The following ST6GAL1 variants were observed in gnomAD, a reference collection of about 807,000 sequenced individuals.
ST6GAL1 encodes ST6 beta-galactoside alpha-2,6-sialyltransferase 1, also known as beta-galactoside alpha-2,6-sialyltransferase 1.
ST6GAL1 carries 20 observed loss-of-function variants against 38.0 expected under a neutral mutation model. That is an observed-to-expected ratio of 0.53 (90% confidence interval 0.37 to 0.77). The LOEUF is 0.77. Ranked by LOEUF, ST6GAL1 falls within the 30% of genes least tolerant of loss-of-function variation. ST6GAL1 has a pLI of 0.00. For synonymous variants in ST6GAL1, 196 were observed against 188.2 expected, an observed-to-expected ratio of 1.04 and a Z score of -0.34; for missense variants, 432 against 496.4, an observed-to-expected ratio of 0.87 and a Z score of 1.23.
intron 5 of ST6GAL1, among the ~76,000 whole-genome samples, chr3:187,056,562 G>A: frequency 6.6e-6 from 1 of 152,106 alleles, no homozygotes; most frequent in East Asian, 1.9e-4. Context: ...CACATATGAA[G>A]GTTAGTTTGG....
At chr3:186,966,461 C>T (rs1471743546) in intron 2 of ST6GAL1, among the ~76,000 whole-genome samples, 2 of 152,216 alleles carry the variant, frequency 1.3e-5, no homozygotes, top group Non-Finnish European at 2.9e-5. Context: ...TGTCTGTGAC[C>T]TCCACAGCTT....
intron 1 of ST6GAL1, among the ~76,000 whole-genome samples, chr3:186,936,958 AAAAAG>A (rs1433322800): frequency 6.8e-6 from 1 of 147,692 alleles, no homozygotes; most frequent in Non-Finnish European, 1.5e-5. Flanking sequence ...AAAAAAAAAA[AAAAAG>A]AAAAAGCTTG....
chr3:187,006,536 C>T (rs982064773), intron 2 of ST6GAL1: 4 of 152,212 alleles, frequency 2.6e-5, no homozygotes, highest in African/African-American at 9.6e-5. Flanking sequence ...TAATCACCTA[C>T]AGTGTGGCAT....
chr3:187,048,880 A>AGTTTTTTTTTTTTTT (rs1286181913), intron 4 of ST6GAL1, among the ~76,000 whole-genome samples: 1 of 115,456 alleles, frequency 8.7e-6, no homozygotes, highest in African/African-American at 3.8e-5. Flanking sequence ...GAGAAATTGA[A>AGTTTTTTTTTTTTTT]TTTTTTTTTT....
At chr3:186,986,614 TCTC>T (rs1455085737) in intron 2 of ST6GAL1, 1 of 152,140 alleles carries the variant, frequency 6.6e-6, no homozygotes, top group Non-Finnish European at 1.5e-5. Flanking sequence ...TCTATTTTGG[TCTC>T]CTCTTTACTG....
At chr3:186,958,191 ACT>A (rs1252492700) in intron 1 of ST6GAL1, among the ~76,000 whole-genome samples, 1 of 152,180 alleles carries the variant, frequency 6.6e-6, no homozygotes, top group Non-Finnish European at 1.5e-5. Flanking sequence ...GTAATAATGG[ACT>A]CTACAAATGG....
At chr3:186,981,205 G>A (rs4626092) in intron 2 of ST6GAL1, among the ~76,000 whole-genome samples, 29,654 of 152,186 alleles carry the variant, frequency 0.19, 3,168 homozygotes, top group East Asian at 0.48. Flanking sequence ...CTCTGCTGCC[G>A]CAGTGAGGAC....
intron 2 of ST6GAL1, among the ~76,000 whole-genome samples, chr3:187,009,999 C>A (rs768257265): frequency 2.0e-5 from 3 of 151,966 alleles, no homozygotes; most frequent in Non-Finnish European, 2.9e-5. Flanking sequence ...AGCGAGACTC[C>A]ATCTAAAAAA....
intron 1 of ST6GAL1, among the ~76,000 whole-genome samples, chr3:186,956,523 T>G (rs1171702254): frequency 6.6e-6 from 1 of 152,178 alleles, no homozygotes; most frequent in South Asian, 2.1e-4. Flanking sequence ...TGAGGGAAAG[T>G]CCACATGCTC....
chr3:187,076,989 A>T lies in ST6GAL1; in HGVS notation c.*1186A>T, dbSNP rs866202027. 2.9e-3 allele frequency: 951 copies of T among 331,442 alleles called. 8 individuals are homozygous for T. The highest frequency in any genetic ancestry group is 0.029 in the African/African-American group (859 of 30,126). 20.5% of individuals were successfully genotyped at this position (331,442 alleles called of 1,614,324 possible). ...TAACCACCATCTGTTTTTTTTTTTT[A>T]AAGCATTTTTTGCTTTAAAAGCATC... is the stretch of plus-strand genomic sequence containing the variant. On this transcript the variant is annotated 3_prime_UTR_variant, in exon 8 of 8. Transcript: ENST00000169298.
At chr3:186,964,840 G>A (rs551920381) in intron 2 of ST6GAL1, among the ~76,000 whole-genome samples, 38 of 152,222 alleles carry the variant, frequency 2.5e-4, no homozygotes, top group African/African-American at 9.2e-4. Context: ...CAGGCTGTGG[G>A]GCATCCGGCA....
intron 2 of ST6GAL1, among the ~76,000 whole-genome samples, chr3:186,970,090 A>G (rs1322355199): frequency 6.6e-6 from 1 of 152,182 alleles, no homozygotes; most frequent in Non-Finnish European, 1.5e-5. Context: ...ATAGTACAAT[A>G]TCAAAACCAG....
chr3:186,967,598 G>T (rs1164744267), intron 2 of ST6GAL1, among the ~76,000 whole-genome samples: 1 of 152,210 alleles, frequency 6.6e-6, no homozygotes, highest in East Asian at 1.9e-4. Context: ...CAGGGCTGAG[G>T]GGAGGAGGCA....
chr3:187,022,794 T>C (rs139581614), intron 2 of ST6GAL1, among the ~76,000 whole-genome samples: 51 of 152,302 alleles, frequency 3.3e-4, no homozygotes, highest in African/African-American at 1.1e-3. Context: ...GAGTCTGCTG[T>C]CTGTCATGTG....
At chr3:187,013,131 T>A (rs1047219274) in intron 2 of ST6GAL1, among the ~76,000 whole-genome samples, 1 of 152,246 alleles carries the variant, frequency 6.6e-6, no homozygotes, top group East Asian at 1.9e-4. Context: ...TAAGTGTTTC[T>A]TGAACACTGT....
At chr3:186,932,975 A>G (rs1333994137) in intron 1 of ST6GAL1, among the ~76,000 whole-genome samples, 2 of 152,194 alleles carry the variant, frequency 1.3e-5, no homozygotes, top group African/African-American at 4.8e-5. Context: ...AACAGGAGGC[A>G]GCTGGATGCC....
chr3:187,050,542 G>GAGAGAGAT (rs1553833075), intron 4 of ST6GAL1, among the ~76,000 whole-genome samples: 3 of 110,650 alleles, frequency 2.7e-5, no homozygotes, highest in South Asian at 2.9e-4. Flanking sequence ...GAAAGAGAGA[G>GAGAGAGAT]AGAGAGAGAG....
chr3:186,961,183 C>T (rs1415022759), intron 1 of ST6GAL1, among the ~76,000 whole-genome samples: 1 of 152,114 alleles, frequency 6.6e-6, no homozygotes, highest in Non-Finnish European at 1.5e-5. Context: ...ACCATGTTGA[C>T]CAAGCTGGTC....
At chr3:187,006,115 G>A (rs984819174) in intron 2 of ST6GAL1, 10 of 152,208 alleles carry the variant, frequency 6.6e-5, no homozygotes, top group Admixed American at 6.5e-4. Context: ...GACAGCCTAA[G>A]GAATTTATAT....
Sources: allele counts gnomAD v4.1 joint callset (sites outside exome capture counted in the v4.1 genomes callset), GRCh38; gene constraint gnomAD v4.1.1; transcripts MANE v1.5; gene names NCBI Gene and HGNC (gene_info 2026-07-23, HGNC 2026-07-21).